Variants in ZNF257 observed in about 807,000 individuals in gnomAD.
ZNF257 encodes the protein bone marrow zinc finger 4.
Under a neutral mutation model 11.9 loss-of-function variants are expected in ZNF257, and 12 were observed. The ratio of observed to expected loss-of-function variants is 1.01; its 90% CI spans 0.65 to 1.63. The LOEUF (loss-of-function observed/expected upper bound fraction) is 1.63. Among genes scored for constraint, ZNF257 ranks in the 40% most tolerant of loss-of-function variants. The pLI is 0.00. For synonymous variants in ZNF257, 183 were observed against 222.7 expected (o/e 0.82, Z 1.59); for missense variants, 580 against 665.5 (o/e 0.87, Z 1.41).
intron 3 of ZNF257, 49 bp from the exon 4 acceptor site, chr19:22,087,928 T>C (rs775073059): frequency 2.1e-6 from 3 of 1,433,942 alleles, no homozygotes; most frequent in Non-Finnish European, 2.8e-6. Flanking sequence ...TAAAAAATAT[T>C]TACCTGAGTC....
intron 1 of ZNF257, among the ~76,000 whole-genome samples, chr19:22,058,192 T>C (rs970033994): frequency 1.3e-4 from 20 of 152,168 alleles, no homozygotes; most frequent in African/African-American, 4.8e-4. Flanking sequence ...GAACTGTTCC[T>C]GGAGCACACA....
chr19:22,054,075 CTT>C (rs747135550), intron 1 of ZNF257, among the ~76,000 whole-genome samples: 5 of 88,166 alleles, frequency 5.7e-5, no homozygotes, highest in Admixed American at 9.7e-5. Context: ...ATTTGTTTTT[CTT>C]TTTTTTTTTT....
At position 22,090,103 on chromosome 19, in the gene ZNF257, G is replaced by A. The variant is rs1345632805; in HGVS notation, c.*661G>A. 1 of 152,176 alleles carries A rather than the reference G, an allele frequency of 6.6e-6. No homozygotes were observed. Among genetic ancestry groups the A allele is most frequent in the Non-Finnish European group, 1.5e-5 (1 of 68,172 alleles). 9.4% of individuals were successfully genotyped at this position (152,176 alleles called of 1,614,324 possible). On this transcript the variant is annotated 3_prime_UTR_variant, in exon 4 of 4. Transcript: ENST00000594947. Reference sequence around the variant, plus strand: ...AGGAAAGCATTTATAGTTGAGAAATGGTGTACAAATATAAAGAATGTGGAA... The same window carrying A: ...AGGAAAGCATTTATAGTTGAGAAATAGTGTACAAATATAAAGAATGTGGAA...
At chr19:22,082,406 C>G (rs760970836) in intron 3 of ZNF257, among the ~76,000 whole-genome samples, 4 of 152,078 alleles carry the variant, frequency 2.6e-5, no homozygotes, top group Non-Finnish European at 5.9e-5. Context: ...ACTCCTGGTC[C>G]CAAGTGATGT....
intron 1 of ZNF257, among the ~76,000 whole-genome samples, chr19:22,063,501 A>G (rs1482289929): frequency 6.6e-6 from 1 of 152,126 alleles, no homozygotes; most frequent in Non-Finnish European, 1.5e-5. Context: ...AGTGTTATAA[A>G]TTTCCTTCTT....
chr19:22,073,349 AT>A (rs1361829798), intron 2 of ZNF257, 119 bp from the exon 3 acceptor site: 34 of 1,167,720 alleles, frequency 2.9e-5, no homozygotes, highest in Non-Finnish European at 3.3e-5. Context: ...TCTGTTATAA[AT>A]TAGTATTTTG....
intron 1 of ZNF257, among the ~76,000 whole-genome samples, chr19:22,062,283 TG>T (rs2021822493): frequency 7.0e-6 from 1 of 143,242 alleles, no homozygotes; most frequent in Non-Finnish European, 1.5e-5. Context: ...TGGAGTGCAG[TG>T]GCGAATTTTT....
intron 1 of ZNF257, chr19:22,066,454 C>T (rs1185735852): frequency 2.6e-5 from 4 of 152,622 alleles, no homozygotes; most frequent in Admixed American, 2.6e-4. Context: ...TGTGAGCTGC[C>T]AGCTGTGAGC....
At chr19:22,077,639 G>T (rs62110990) in intron 3 of ZNF257, among the ~76,000 whole-genome samples, 36,767 of 151,772 alleles carry the variant, frequency 0.24, 6,210 homozygotes, top group African/African-American at 0.48. Context: ...ATTGTATTTA[G>T]GTATTACATT....
chr19:22,052,767 C>A, intron 1 of ZNF257, 132 bp downstream of exon 1: 3 of 1,121,220 alleles, frequency 2.7e-6, no homozygotes, highest in East Asian at 2.7e-5. Context: ...CCTTGGCCAG[C>A]TCGGCCTCGG....
rs1196563382 is a variant in ZNF257, at chr19:22,052,638, G to A, written c.3+3G>A. The stretch of plus-strand genomic sequence containing the variant: ...GTCCTCCTGGAAGCCTAGAAATGGT[G>A]AGAGTGCTGGGTCCGACATCCTGGG... On this transcript the variant is annotated splice_donor_region_variant and intron_variant, in intron 1 of 3. Transcript: ENST00000594947. 2 of 1,607,790 alleles carry A rather than the reference G, an allele frequency of 1.2e-6. No homozygotes were observed. The highest frequency in any genetic ancestry group is 1.7e-5 in the Admixed American group (1 of 59,764).
intron 1 of ZNF257, 137 bp downstream of exon 1, chr19:22,052,772 C>A (rs1020416066): frequency 8.8e-6 from 9 of 1,025,060 alleles, no homozygotes; most frequent in African/African-American, 1.6e-5. Flanking sequence ...GCCAGCTCGG[C>A]CTCGGTCCCC....
chr19:22,082,104 A>G (rs2145714419), intron 3 of ZNF257, among the ~76,000 whole-genome samples: 1 of 152,270 alleles, frequency 6.6e-6, no homozygotes, highest in East Asian at 1.9e-4. Flanking sequence ...ACTGAATACA[A>G]ATACTATACC....
At chr19:22,083,539 A>G (rs2022405788) in intron 3 of ZNF257, among the ~76,000 whole-genome samples, 2 of 152,206 alleles carry the variant, frequency 1.3e-5, no homozygotes, top group African/African-American at 2.4e-5. Context: ...AAAAACACAT[A>G]ATAATTTATA....
chr19:22,060,239 C>T (rs1599659969), intron 1 of ZNF257, among the ~76,000 whole-genome samples: 1 of 152,282 alleles, frequency 6.6e-6, no homozygotes, highest in East Asian at 1.9e-4. Flanking sequence ...CATTGCTTTT[C>T]ACAATGGTTG....
intron 3 of ZNF257, 89 bp from the exon 4 acceptor site, chr19:22,087,888 T>C: frequency 8.6e-7 from 1 of 1,160,522 alleles, no homozygotes; most frequent in African/African-American, 1.5e-5. Flanking sequence ...CTTCCTTATG[T>C]AGTATATACA....
At chr19:22,083,195 T>C (rs1484981079) in intron 3 of ZNF257, among the ~76,000 whole-genome samples, 1 of 152,034 alleles carries the variant, frequency 6.6e-6, no homozygotes, top group Non-Finnish European at 1.5e-5. Context: ...ACCGACAGGG[T>C]GTGGTGGCTC....
chr19:22,073,376 A>C, intron 2 of ZNF257, 93 bp from the exon 3 acceptor site: 7 of 1,348,966 alleles, frequency 5.2e-6, no homozygotes, highest in Non-Finnish European at 7.0e-6. Flanking sequence ...AATGTATTAG[A>C]ATATTATATT....
At position 22,089,606 on chromosome 19, in the gene ZNF257, T is replaced by A. The variant is rs1256017546; in HGVS notation, c.*164T>A. On this transcript the variant is annotated 3_prime_UTR_variant, in exon 4 of 4. Coordinates refer to ENST00000594947, the MANE Select transcript of ZNF257 (RefSeq NM_033468.4). ...CATTTACTAAGCATAAAATAATTCA[T>A]GCTGGAGAGAAACTCTTGAAATGTG... 6.9e-7 allele frequency: 1 copy of A among 1,441,944 alleles called. No individual in the cohort carries two copies. Among genetic ancestry groups the A allele is most frequent in the Non-Finnish European group, 9.1e-7 (1 of 1,100,446 alleles). The allele number at this position is 1,441,944 out of a possible 1,614,324, so 89.3% of individuals were successfully genotyped here.
Sources: allele counts gnomAD v4.1 joint callset (sites outside exome capture counted in the v4.1 genomes callset), GRCh38; gene constraint gnomAD v4.1.1; transcripts MANE v1.5; gene names NCBI Gene and HGNC (gene_info 2026-07-23, HGNC 2026-07-21).